Variants in ASXL2 observed in about 807,000 individuals in gnomAD.
ASXL2 encodes putative Polycomb group protein ASXL2.
In ASXL2, 23 loss-of-function variants were observed where a neutral mutation model predicts 122.0. The observed-to-expected ratio is 0.19, with a 90% CI of 0.14 to 0.27. ASXL2 has a LOEUF of 0.27. Among genes scored for constraint, ASXL2 ranks in the 10% least tolerant of loss-of-function variants. The pLI is 1.00. For synonymous variants in ASXL2, 650 were observed against 637.0 expected (o/e 1.02, Z -0.31); for missense variants, 1,518 against 1,713.8 (o/e 0.89, Z 2.02).
intron 1 of ASXL2, among the ~76,000 whole-genome samples, chr2:25,846,395 C>T (rs371663975): frequency 4.6e-5 from 7 of 152,278 alleles, no homozygotes; most frequent in African/African-American, 1.7e-4. Flanking sequence ...CCTGTAATCT[C>T]GGCACTTTGG....
rs1184631489 is a variant in ASXL2 at position 25,761,672 on chromosome 2, CA to C, written c.776-2028del. Among the ~76,000 whole-genome samples, 483 of 56,910 alleles carry C rather than the reference CA, an allele frequency of 8.5e-3. 2 individuals are homozygous for C. Among genetic ancestry groups the C allele is most frequent in the African/African-American group, 0.025 (399 of 15,858 alleles). The allele number at this position is 56,910 out of a possible 152,430, so 37.3% of individuals were successfully genotyped here. A position where few individuals can be genotyped will look rare whatever the true frequency, so the allele number is the denominator to read the frequency against. On this transcript the variant is annotated intron_variant, in intron 8 of 12. Coordinates refer to ENST00000435504, the MANE Select transcript of ASXL2 (RefSeq NM_018263.6). ...TGGGCAACAGAGCCAGACTCCGTCT[CA>C]AAAAAAAAAAAAAAAAAAAGGAATT...
At chr2:25,812,605 A>G (rs2089185943) in intron 3 of ASXL2, among the ~76,000 whole-genome samples, 2 of 152,240 alleles carry the variant, frequency 1.3e-5, no homozygotes, top group Non-Finnish European at 2.9e-5. Context: ...TTAGGAAAGT[A>G]ATATGGAAAT....
chr2:25,834,955 T>C (rs2089491652), intron 3 of ASXL2, among the ~76,000 whole-genome samples: 1 of 152,090 alleles, frequency 6.6e-6, no homozygotes, highest in Non-Finnish European at 1.5e-5. Flanking sequence ...CCCGAGTAGC[T>C]GGGATTACGG....
At chr2:25,851,982 G>GA (rs146977148) in intron 1 of ASXL2, among the ~76,000 whole-genome samples, 8 of 151,742 alleles carry the variant, frequency 5.3e-5, no homozygotes, top group East Asian at 1.9e-4. Flanking sequence ...GAGAATGAGG[G>GA]AAAAAAACCC....
intron 5 of ASXL2, among the ~76,000 whole-genome samples, chr2:25,776,196 C>G (rs938767653): frequency 1.3e-5 from 2 of 152,108 alleles, no homozygotes; most frequent in Non-Finnish European, 2.9e-5. Flanking sequence ...TCCTAGGTAA[C>G]CAGTAATCTA....
intron 2 of ASXL2, among the ~76,000 whole-genome samples, chr2:25,841,918 G>C (rs1399790033): frequency 6.7e-6 from 1 of 148,350 alleles, no homozygotes; most frequent in Admixed American, 6.8e-5. Flanking sequence ...CTGCACTCCA[G>C]CCTGGAGGAC....
At chr2:25,818,248 C>T (rs1219252006) in intron 3 of ASXL2, among the ~76,000 whole-genome samples, 5 of 152,234 alleles carry the variant, frequency 3.3e-5, no homozygotes, top group Admixed American at 6.5e-5. Context: ...GTGGCTCACG[C>T]CTGTAATTCC....
intron 1 of ASXL2, among the ~76,000 whole-genome samples, chr2:25,847,974 C>G (rs955922603): frequency 6.6e-6 from 1 of 152,104 alleles, no homozygotes; most frequent in African/African-American, 2.4e-5. Context: ...ACTTTACTAG[C>G]AATCAAATGT....
intron 5 of ASXL2, among the ~76,000 whole-genome samples, chr2:25,780,564 A>G (rs1236956086): frequency 6.6e-6 from 1 of 152,200 alleles, no homozygotes. Context: ...CTACTGAATC[A>G]GATACTCTGA....
rs1390146603 is a variant in ASXL2 at position 25,750,393 on chromosome 2, T to A, written c.1163A>T (p.Asp388Val). ...YGQSSGLSLE[D>V]SKKLTASPSD... ...GGGAGAAGCTGTCAATTTCTTAGAATCTTCAAGGCTCAGGCCAGAACTAAA... is the reference window on the plus strand; with the variant it reads ...GGGAGAAGCTGTCAATTTCTTAGAAACTTCAAGGCTCAGGCCAGAACTAAA... The change falls in exon 12 of 13, where the codon GAT (aspartate) becomes GTT (valine). Residue 388 changes from aspartate (D) to valine (V), a missense_variant. Asp to Val is a radical substitution (Grantham distance 152, BLOSUM62 -3). Coordinates refer to ENST00000435504, the MANE Select transcript of ASXL2 (RefSeq NM_018263.6). 1 of 1,606,066 alleles carries A rather than the reference T, an allele frequency of 6.2e-7. No homozygotes were observed. Among genetic ancestry groups the A allele is most frequent in the East Asian group, 2.2e-5 (1 of 44,846 alleles).
intron 2 of ASXL2, among the ~76,000 whole-genome samples, chr2:25,839,978 G>A (rs990295238): frequency 8.8e-5 from 13 of 147,852 alleles, no homozygotes; most frequent in Non-Finnish European, 4.4e-5. Context: ...TAATCCTCTC[G>A]TCTCAGCTTC....
chr2:25,856,730 C>A lies in ASXL2; in HGVS notation c.58-11167G>T. On this transcript the variant is annotated intron_variant, in intron 1 of 12. Transcript: ENST00000435504. Reference sequence around the variant, plus strand: ...GGATCGATTCAGTCACCGAGCCGATCTGGTTGACCTTCAGCAGCAGACAGC... The same window carrying A: ...GGATCGATTCAGTCACCGAGCCGATATGGTTGACCTTCAGCAGCAGACAGC... 3 of 1,304,552 alleles carry A rather than the reference C, an allele frequency of 2.3e-6. No homozygotes were observed. The South Asian group carries it at 3.6e-5, about 16-fold the overall frequency. The allele number at this position is 1,304,552 out of a possible 1,614,324, so 80.8% of individuals were successfully genotyped here. A position where few individuals can be genotyped will look rare whatever the true frequency, so the allele number is the denominator to read the frequency against.
chr2:25,790,096 G>C (rs973009576), intron 5 of ASXL2, among the ~76,000 whole-genome samples: 2 of 152,018 alleles, frequency 1.3e-5, no homozygotes, highest in Non-Finnish European at 1.5e-5. Context: ...TTAAAGTAAA[G>C]CTGAAAAATC....
At chr2:25,795,358 A>G (rs12987707) in intron 5 of ASXL2, among the ~76,000 whole-genome samples, 58,767 of 152,048 alleles carry the variant, frequency 0.39, 13,105 homozygotes, top group Non-Finnish European at 0.51. Context: ...CATGTCTTCT[A>G]TTATTATGCA....
intron 4 of ASXL2, among the ~76,000 whole-genome samples, chr2:25,801,024 G>A (rs1055717488): frequency 2.0e-5 from 3 of 152,114 alleles, no homozygotes; most frequent in African/African-American, 7.2e-5. Context: ...CCTCCCAGGC[G>A]CAAGCAATCT....
intron 1 of ASXL2, among the ~76,000 whole-genome samples, chr2:25,864,754 CTAAAT>C (rs2089880562): frequency 6.6e-6 from 1 of 151,826 alleles, no homozygotes; most frequent in Non-Finnish European, 1.5e-5. Flanking sequence ...ACAAATGATA[CTAAAT>C]TATACTAGGT....
intron 8 of ASXL2, among the ~76,000 whole-genome samples, chr2:25,762,756 TAACA>T (rs1035877792): frequency 1.4e-5 from 2 of 147,034 alleles, no homozygotes; most frequent in African/African-American, 5.1e-5. Context: ...GTCCAAATAT[TAACA>T]AACACAGTAA....
rs2087716302 is a variant in ASXL2 at position 25,735,256 on chromosome 2, G to A, written c.*6773C>T. ...TATACAGTCTCTATGAAAAACAAAA[G>A]CAAAACTCAATCTATTATTAAATGT... On this transcript the variant is annotated 3_prime_UTR_variant, in exon 13 of 13. Transcript: ENST00000435504. 6.6e-6 allele frequency: 1 copy of A among 152,128 alleles called. No homozygotes were observed. Among genetic ancestry groups the A allele is most frequent in the Non-Finnish European group, 1.5e-5 (1 of 68,022 alleles). The allele number at this position is 152,128 out of a possible 1,614,324, so 9.4% of individuals were successfully genotyped here. A position where few individuals can be genotyped will look rare whatever the true frequency, so the allele number is the denominator to read the frequency against.
chr2:25,875,646 T>A (rs1350445682), intron 1 of ASXL2, among the ~76,000 whole-genome samples: 1 of 152,158 alleles, frequency 6.6e-6, no homozygotes, highest in Non-Finnish European at 1.5e-5. Context: ...ATTGGTATAT[T>A]ATTGGTCAGG....
Sources: allele counts gnomAD v4.1 joint callset (sites outside exome capture counted in the v4.1 genomes callset), GRCh38; gene constraint gnomAD v4.1.1; transcripts MANE v1.5; gene names NCBI Gene and HGNC (gene_info 2026-07-23, HGNC 2026-07-21).